The following PSMD3 variants were observed in gnomAD, a reference collection of about 807,000 sequenced individuals.
PSMD3 encodes 26S proteasome non-ATPase regulatory subunit 3.
PSMD3 carries 5 observed loss-of-function variants against 62.8 expected under a neutral mutation model. The observed-to-expected ratio is 0.08, with a 90% CI of 0.04 to 0.17. The LOEUF (loss-of-function observed/expected upper bound fraction) is 0.17. Among genes scored for constraint, PSMD3 ranks in the 10% least tolerant of loss-of-function variants. PSMD3 has a pLI of 1.00. For synonymous variants in PSMD3, 265 were observed against 283.9 expected (o/e 0.93, Z 0.67); for missense variants, 524 against 713.6 (o/e 0.73, Z 3.03).
rs1980814275 is a variant in PSMD3, at chr17:39,997,521, A to G, written c.1545A>G (p.Glu515=). The G allele has an allele frequency of 1.9e-6, 3 of 1,613,354 alleles. No individual in the cohort carries two copies. Among genetic ancestry groups the G allele is most frequent in the Admixed American group, 1.7e-5 (1 of 59,982 alleles). The change falls in exon 12 of 12, where the codon GAA becomes GAG. Residue 515 remains glutamate, a synonymous_variant. Transcript: ENST00000264639. ...LESAEERRER[E]QQDLEFAKEM... is the part of the protein sequence containing the mutation. ...CTCCCCAGGAACGGCGTGAGCGAGA[A>G]CAGCAGGACTTGGAGTTTGCCAAGG...
rs2144818946 is a variant in PSMD3, at chr17:39,997,685, T to C, written c.*104T>C. 7.5e-7 allele frequency: 1 copy of C among 1,334,852 alleles called. No individual in the cohort carries two copies. Among genetic ancestry groups the C allele is most frequent in the Non-Finnish European group, 1.0e-6 (1 of 953,346 alleles). 82.7% of individuals were successfully genotyped at this position (1,334,852 alleles called of 1,614,324 possible). On this transcript the variant is annotated 3_prime_UTR_variant, in exon 12 of 12. Coordinates refer to ENST00000264639, the MANE Select transcript of PSMD3 (RefSeq NM_002809.4). ...CCCATTTTCCCACACACAGCTCATA[T>C]GCTGCATTCGTGCAGGGGGTGGGGG...
At chr17:39,986,774 A>T (rs1598312328) in intron 3 of PSMD3, 62 bp downstream of exon 3, 19 of 1,571,614 alleles carry the variant, frequency 1.2e-5, no homozygotes, top group East Asian at 6.7e-5. Flanking sequence ...TTTGGCGGGG[A>T]GATGGTCCCT....
rs1980778329 is a variant in PSMD3, at chr17:39,996,135, AG to A, written c.1321-47del. Reference sequence around the variant, plus strand: ...GACTCCATCTCAAAAAAAAAAAAAAAGAAGAAGCTGGGTGTGCTGGTGAACT... The same window carrying A: ...GACTCCATCTCAAAAAAAAAAAAAAAAAGAAGCTGGGTGTGCTGGTGAACT... On this transcript the variant is annotated intron_variant, in intron 9 of 11. Transcript: ENST00000264639. This position sits in a 1 kb window ranked among gnomAD's most constrained non-coding sequence, Gnocchi z 5.1. 2.6e-6 allele frequency: 4 copies of A among 1,561,138 alleles called. No individual in the cohort carries two copies. Among genetic ancestry groups the A allele is most frequent in the South Asian group, 1.2e-5 (1 of 86,082 alleles).
chr17:39,991,363 C>A (rs1439573237), intron 6 of PSMD3, among the ~76,000 whole-genome samples: 1 of 152,112 alleles, frequency 6.6e-6, no homozygotes, highest in Non-Finnish European at 1.5e-5. Context: ...ACCATGTTGG[C>A]CAGGCTGGTC....
intron 1 of PSMD3, among the ~76,000 whole-genome samples, chr17:39,983,452 G>A (rs114483778): frequency 0.014 from 2,115 of 152,046 alleles, 42 homozygotes; most frequent in African/African-American, 0.049. Context: ...ATGTTAGTTC[G>A]TCTCCATTTT....
chr17:39,986,261 A>G (rs1017460694), intron 2 of PSMD3, among the ~76,000 whole-genome samples: 1 of 151,684 alleles, frequency 6.6e-6, no homozygotes, highest in Non-Finnish European at 1.5e-5. Context: ...ATGCCTGGCT[A>G]GTTCTTTTTT....
intron 6 of PSMD3, chr17:39,994,673 A>G: frequency 2.3e-6 from 1 of 442,530 alleles, no homozygotes; most frequent in Non-Finnish European, 4.2e-6. Context: ...GAGCACTGTC[A>G]TTTCAGAGCA....
chr17:39,982,238 G>C (rs1188615417), intron 1 of PSMD3, among the ~76,000 whole-genome samples: 1 of 152,218 alleles, frequency 6.6e-6, no homozygotes, highest in Admixed American at 6.5e-5. Flanking sequence ...ACCTAAAGTA[G>C]TGGCAGCAAT....
At chr17:39,983,029 T>C (rs1980424069) in intron 1 of PSMD3, among the ~76,000 whole-genome samples, 1 of 152,126 alleles carries the variant, frequency 6.6e-6, no homozygotes, top group East Asian at 1.9e-4. Flanking sequence ...TTCACTGTAC[T>C]CTATAATTTT....
intron 1 of PSMD3, 22 bp downstream of exon 1, chr17:39,981,212 A>G: frequency 6.5e-7 from 1 of 1,549,016 alleles, no homozygotes; most frequent in Non-Finnish European, 8.7e-7. Context: ...CAGGCCGGGA[A>G]CGTGCCGCGA....
chr17:39,986,387 C>T (rs915487396), intron 2 of PSMD3, among the ~76,000 whole-genome samples, 188 bp from the exon 3 acceptor site: 6 of 152,232 alleles, frequency 3.9e-5, no homozygotes, highest in African/African-American at 1.4e-4. Context: ...TGAGCCACCA[C>T]ACCCAGCTCC....
At position 39,996,255 on chromosome 17, in the gene PSMD3, G is replaced by A; in HGVS notation, c.1393G>A (p.Asp465Asn). Residue 465 changes from aspartate (D) to asparagine (N), a missense_variant, in exon 10 of 12, where the codon GAC (aspartate) becomes AAC (asparagine). Transcript: ENST00000264639. The surrounding 1 kb of genome is among the most constrained non-coding windows in gnomAD (Gnocchi z 5.1). The stretch of plus-strand genomic sequence containing the variant: ...CTATGTCCAATCCAAGGAGATGATT[G>A]ACATCTATTCCACCCGAGAGCCCCA... ...KGYVQSKEMI[D>N]IYSTREPQLA... 1.9e-6 allele frequency: 3 copies of A among 1,614,068 alleles called. No individual in the cohort carries two copies. Among genetic ancestry groups the A allele is most frequent in the Non-Finnish European group, 2.5e-6 (3 of 1,180,010 alleles).
intron 11 of PSMD3, 22 bp downstream of exon 11, chr17:39,997,402 T>G: frequency 6.2e-7 from 1 of 1,614,024 alleles, no homozygotes; most frequent in Non-Finnish European, 8.5e-7. Flanking sequence ...GCTTTCTGGG[T>G]GAGACCGAAA....
chr17:39,985,691 TCCC>T (rs747650602), intron 2 of PSMD3, among the ~76,000 whole-genome samples: 5 of 152,162 alleles, frequency 3.3e-5, no homozygotes, highest in Non-Finnish European at 5.9e-5. Flanking sequence ...AGCGTACTGT[TCCC>T]CCAACTCCAC....
At chr17:39,987,400 C>G (rs1019207462) in intron 3 of PSMD3, among the ~76,000 whole-genome samples, 27 of 152,198 alleles carry the variant, frequency 1.8e-4, no homozygotes, top group African/African-American at 6.5e-4. Context: ...GTTGCCCATG[C>G]TGGAGGGCAG....
At chr17:39,989,523 C>A (rs934437448) in intron 4 of PSMD3, among the ~76,000 whole-genome samples, 2 of 152,246 alleles carry the variant, frequency 1.3e-5, no homozygotes, top group African/African-American at 2.4e-5. Context: ...TTGCCTCCCC[C>A]ACTGCACTGC....
At chr17:39,986,441 C>A in intron 2 of PSMD3, 134 bp from the exon 3 acceptor site, 1 of 1,109,040 alleles carries the variant, frequency 9.0e-7, no homozygotes, top group Non-Finnish European at 1.3e-6. Flanking sequence ...ATTTTTTTAT[C>A]CCTAGCACCT....
At chr17:39,993,515 C>G (rs1380774293) in intron 6 of PSMD3, 2 of 152,472 alleles carry the variant, frequency 1.3e-5, no homozygotes, top group African/African-American at 2.4e-5. Context: ...CTTTCCCGAT[C>G]CAGATCAGGG....
Position 39,984,463 on chromosome 17 carries a change from T to C in PSMD3, c.390T>C (p.Phe130=), listed in dbSNP as rs776842724. ...FFTSNNATRD[F]LLPFLEEPMD... Reference sequence around the variant, plus strand: ...CTTCAAATAATGCCACTCGAGACTTTTTGCTCCCCTTCCTGGAAGAGGTGA... The same window carrying C: ...CTTCAAATAATGCCACTCGAGACTTCTTGCTCCCCTTCCTGGAAGAGGTGA... The change falls in exon 2 of 12, where the codon TTT becomes TTC. Residue 130 remains phenylalanine (F), a synonymous_variant. Transcript: ENST00000264639. 3.1e-6 allele frequency: 5 copies of C among 1,611,902 alleles called. No individual in the cohort carries two copies. In the Admixed American group the frequency reaches 5.0e-5, roughly 16 times the overall value.
Sources: allele counts gnomAD v4.1 joint callset (sites outside exome capture counted in the v4.1 genomes callset), GRCh38; gene constraint gnomAD v4.1.1; non-coding constraint Gnocchi (gnomAD v3.1); transcripts MANE v1.5; gene names NCBI Gene and HGNC (gene_info 2026-07-23, HGNC 2026-07-21).